Variants in GRIK3 observed in about 807,000 individuals in gnomAD.
The protein encoded by GRIK3 is glutamate receptor ionotropic, kainate 3.
Under a neutral mutation model 102.5 loss-of-function variants are expected in GRIK3, and 29 were observed. The observed-to-expected ratio is 0.28, with a 90% confidence interval of 0.21 to 0.39. The LOEUF (loss-of-function observed/expected upper bound fraction) is 0.39, where lower values mean the gene tolerates loss of function less well. Among genes scored for constraint, GRIK3 ranks in the 10% least tolerant of loss-of-function variants. GRIK3 has a pLI of 1.00. For synonymous variants in GRIK3, 511 were observed against 504.9 expected, an observed-to-expected ratio of 1.01 and a Z score of -0.16; for missense variants, 908 against 1,252.4, an observed-to-expected ratio of 0.73 and a Z score of 4.15.
chr1:37,030,556 C>CG lies in GRIK3; in HGVS notation c.115+3437_115+3438insC, dbSNP rs1401486182. On this transcript the variant is annotated intron_variant, in intron 1 of 15. Transcript: ENST00000373091. The stretch of plus-strand genomic sequence containing the variant: ...CCCCACCCCCCACCCCCTCCCCCCC[C>CG]CCAACACCTGCTTTATGTCTCTGCA... 7.0e-3 allele frequency among the ~76,000 whole-genome samples: 985 copies of CG among 140,644 alleles called. 24 individuals are homozygous for CG. The highest frequency in any genetic ancestry group is 0.025 in the African/African-American group (921 of 36,728). 92.3% of individuals were successfully genotyped at this position (140,644 alleles called of 152,430 possible).
At chr1:37,025,445 T>A (rs2124084097) in intron 1 of GRIK3, among the ~76,000 whole-genome samples, 1 of 152,316 alleles carries the variant, frequency 6.6e-6, no homozygotes, top group East Asian at 1.9e-4. Flanking sequence ...TTCTGGCACA[T>A]GCTAATATTT....
chr1:36,989,714 GA>G (rs1311776584), intron 1 of GRIK3, among the ~76,000 whole-genome samples: 1 of 152,124 alleles, frequency 6.6e-6, no homozygotes, highest in Non-Finnish European at 1.5e-5. Context: ...GACTGGCTCA[GA>G]AAAGCTGGGT....
chr1:37,033,042 A>C (rs1462559599), intron 1 of GRIK3, among the ~76,000 whole-genome samples: 1 of 152,028 alleles, frequency 6.6e-6, no homozygotes, highest in Admixed American at 6.5e-5. Context: ...TGGCGGGCGC[A>C]GGGCCTGCGG....
intron 2 of GRIK3, among the ~76,000 whole-genome samples, chr1:36,887,510 A>G (rs1267355158): frequency 6.6e-6 from 1 of 152,032 alleles, no homozygotes; most frequent in Admixed American, 6.6e-5. Context: ...TAATCCCAGC[A>G]CTTTAGGAGG....
At chr1:36,961,943 C>T (rs1642015380) in intron 1 of GRIK3, among the ~76,000 whole-genome samples, 1 of 152,166 alleles carries the variant, frequency 6.6e-6, no homozygotes, top group Non-Finnish European at 1.5e-5. Flanking sequence ...CCAGATGATT[C>T]CACATGTGGT....
chr1:37,011,581 T>C (rs984888191), intron 1 of GRIK3, among the ~76,000 whole-genome samples: 1 of 152,222 alleles, frequency 6.6e-6, no homozygotes, highest in Non-Finnish European at 1.5e-5. Flanking sequence ...GAAGCAAGTA[T>C]GCTCAGCCCA....
At chr1:37,033,168 C>CGGAGTAAGA (rs1407884326) in intron 1 of GRIK3, among the ~76,000 whole-genome samples, 1 of 152,232 alleles carries the variant, frequency 6.6e-6, no homozygotes, top group Non-Finnish European at 1.5e-5. Flanking sequence ...AGTTAAAGAC[C>CGGAGTAAGA]GGAGTAAGAG....
Position 36,819,752 on chromosome 1 carries a change from T to C in GRIK3, c.1857A>G (p.Gly619=). ...GGTGCATACCTTGCTGCATCAGGGA[T>C]CCCATTCCAAACCAGAAGCTGTTAA... The part of the protein sequence containing the change: ...TLLNSFWFGM[G]SLMQQGSELM... The change falls in exon 12 of 16, where the codon GGA becomes GGG. Residue 619 remains glycine, a synonymous_variant. Transcript: ENST00000373091. The surrounding 1 kb of genome is among the most constrained non-coding windows in gnomAD (Gnocchi z 4.1). 6.4e-7 allele frequency: 1 copy of C among 1,571,728 alleles called. No individual in the cohort carries two copies. Among genetic ancestry groups the C allele is most frequent in the Non-Finnish European group, 8.8e-7 (1 of 1,141,690 alleles).
Position 36,925,850 on chromosome 1 carries a change from T to C in GRIK3, c.116-34754A>G, listed in dbSNP as rs138124299. On this transcript the variant is annotated intron_variant, in intron 1 of 15. Transcript: ENST00000373091. The stretch of plus-strand genomic sequence containing the variant: ...AAGGAACCTTGAACATTACCAATTA[T>C]CTTGGTCCCCACTGGCCTGGTCCAC... Among the ~76,000 whole-genome samples the C allele has an allele frequency of 1.8e-3, 276 of 152,312 alleles. 2 individuals carry two copies. The highest frequency in any genetic ancestry group is 6.3e-3 in the African/African-American group (261 of 41,558).
chr1:36,971,813 C>A (rs1325601823), intron 1 of GRIK3, among the ~76,000 whole-genome samples: 3 of 152,174 alleles, frequency 2.0e-5, no homozygotes, highest in Non-Finnish European at 4.4e-5. Flanking sequence ...CATTCCCCCA[C>A]CTGACACCTT....
At chr1:36,820,779 A>G (rs1361214707) in intron 11 of GRIK3, among the ~76,000 whole-genome samples, 3 of 152,242 alleles carry the variant, frequency 2.0e-5, no homozygotes, top group Non-Finnish European at 2.9e-5. Context: ...AATTTTTTAG[A>G]TTTTTGTCTT....
intron 1 of GRIK3, among the ~76,000 whole-genome samples, chr1:36,955,541 A>C (rs1641896590): frequency 6.6e-6 from 1 of 152,164 alleles, no homozygotes; most frequent in African/African-American, 2.4e-5. Flanking sequence ...CCGCCCCCGG[A>C]GAACACGCAT....
At chr1:36,961,852 G>A (rs34838901) in intron 1 of GRIK3, among the ~76,000 whole-genome samples, 1,584 of 152,320 alleles carry the variant, frequency 0.01, 10 homozygotes, top group Middle Eastern at 0.017. Flanking sequence ...CCTAGGTGCG[G>A]GGGACTCAGC....
intron 10 of GRIK3, among the ~76,000 whole-genome samples, chr1:36,837,836 T>A (rs1191536725): frequency 6.6e-6 from 1 of 152,166 alleles, no homozygotes; most frequent in Non-Finnish European, 1.5e-5. Context: ...AGATGGGGAC[T>A]CCCAGTGTCA....
chr1:36,811,236 C>G (rs1021546336), intron 13 of GRIK3, among the ~76,000 whole-genome samples: 9 of 152,128 alleles, frequency 5.9e-5, no homozygotes, highest in African/African-American at 1.4e-4. Flanking sequence ...GTTTTCTCAT[C>G]TAGAAACTGG....
chr1:36,968,810 TG>T, intron 1 of GRIK3, among the ~76,000 whole-genome samples: 1 of 152,354 alleles, frequency 6.6e-6, no homozygotes, highest in Non-Finnish European at 1.5e-5. Flanking sequence ...CAGGAGCAGA[TG>T]TGCCTGTCGG....
At chr1:37,001,622 C>T (rs1323934552) in intron 1 of GRIK3, among the ~76,000 whole-genome samples, 1 of 151,798 alleles carries the variant, frequency 6.6e-6, no homozygotes, top group Non-Finnish European at 1.5e-5. Flanking sequence ...AAAAAAAAAA[C>T]GTGGATCCTC....
intron 1 of GRIK3, among the ~76,000 whole-genome samples, chr1:37,000,233 G>A (rs755871878): frequency 1.3e-5 from 2 of 152,174 alleles, no homozygotes; most frequent in Non-Finnish European, 1.5e-5. Context: ...CCCTCCTACG[G>A]TTAAGGTTGA....
In GRIK3 at chr1:36,951,712, A is replaced by G. The variant is rs148443582; in HGVS notation, c.116-60616T>C. The stretch of plus-strand genomic sequence containing the variant: ...AGCAGGAAAATAATGGGGGAGAAAG[A>G]AGAGAAGGTGAGGAAGAGGAGGAAT... On this transcript the variant is annotated intron_variant, in intron 1 of 15. Transcript: ENST00000373091. Among the ~76,000 whole-genome samples the G allele has an allele frequency of 2.2e-3, 335 of 152,190 alleles. 1 individual carries two copies. The highest frequency in any genetic ancestry group is 7.2e-3 in the African/African-American group (299 of 41,522).
Sources: allele counts gnomAD v4.1 joint callset (sites outside exome capture counted in the v4.1 genomes callset), GRCh38; gene constraint gnomAD v4.1.1; non-coding constraint Gnocchi (gnomAD v3.1); transcripts MANE v1.5; gene names NCBI Gene and HGNC (gene_info 2026-07-23, HGNC 2026-07-21).